Variants in TBC1D32 observed in about 807,000 individuals in gnomAD.
TBC1D32 encodes the protein TBC1 domain family member 32, also known as protein broad-minded.
TBC1D32 carries 151 observed loss-of-function variants against 170.3 expected under a neutral mutation model. That is an observed-to-expected ratio of 0.89 (90% CI 0.78 to 1.01). TBC1D32 has a LOEUF of 1.01. TBC1D32 is among the 50% of genes least tolerant of loss of function. TBC1D32 has a pLI of 0.00. For synonymous variants in TBC1D32, 498 were observed against 488.0 expected, an observed-to-expected ratio of 1.02 and a Z score of -0.27; for missense variants, 1,464 against 1,457.1, an observed-to-expected ratio of 1.00 and a Z score of -0.08.
chr6:121,199,862 T>C (rs1791311534), intron 22 of TBC1D32, among the ~76,000 whole-genome samples: 1 of 151,416 alleles, frequency 6.6e-6, no homozygotes, highest in Admixed American at 6.6e-5. Flanking sequence ...CTATGTTTGT[T>C]ACTTGTTAAA....
chr6:121,281,963 T>C (rs1803067567), intron 13 of TBC1D32, among the ~76,000 whole-genome samples: 2 of 151,762 alleles, frequency 1.3e-5, no homozygotes, highest in African/African-American at 4.8e-5. Flanking sequence ...AATTACTGCT[T>C]AATATTAAAG....
At chr6:121,096,894 A>G (rs555762426) in intron 30 of TBC1D32, among the ~76,000 whole-genome samples, 14 of 152,274 alleles carry the variant, frequency 9.2e-5, no homozygotes, top group African/African-American at 3.4e-4. Context: ...ATAACACCAC[A>G]CATCTACAAC....
At position 121,154,114 on chromosome 6, in the gene TBC1D32, T is replaced by C. The variant is rs78062329; in HGVS notation, c.2773+5896A>G. Reference sequence around the variant, plus strand: ...GCTGCACAGTTTTGTGCTTGAAACCTTGTGGTGTAGGCACCCAAGGGAATC... The same window carrying C: ...GCTGCACAGTTTTGTGCTTGAAACCCTGTGGTGTAGGCACCCAAGGGAATC... On this transcript the variant is annotated intron_variant, in intron 24 of 31. Coordinates refer to ENST00000398212, the MANE Select transcript of TBC1D32 (RefSeq NM_152730.6). 2.2e-3 allele frequency among the ~76,000 whole-genome samples: 326 copies of C among 151,314 alleles called. 7 individuals carry two copies. The East Asian group carries it at 0.053, about 25-fold the overall frequency.
chr6:121,310,643 G>C, intron 4 of TBC1D32, 136 bp downstream of exon 4: 1 of 620,090 alleles, frequency 1.6e-6, no homozygotes, highest in East Asian at 3.2e-5. Context: ...AGTTTACCAG[G>C]GATATCAGTC....
At chr6:121,325,487 G>A (rs1810335821) in intron 1 of TBC1D32, among the ~76,000 whole-genome samples, 3 of 152,246 alleles carry the variant, frequency 2.0e-5, no homozygotes, top group Admixed American at 2.0e-4. Flanking sequence ...AAAACCATCT[G>A]ATCTTTGACA....
chr6:121,190,735 T>A (rs79283304), intron 22 of TBC1D32, among the ~76,000 whole-genome samples: 2,065 of 152,272 alleles, frequency 0.014, 33 homozygotes, highest in African/African-American at 0.039. Context: ...TTTATGTTGC[T>A]GTTAAAATAT....
intron 28 of TBC1D32, 117 bp from the exon 29 acceptor site, chr6:121,112,776 A>G: frequency 1.0e-6 from 1 of 980,786 alleles, no homozygotes; most frequent in Non-Finnish European, 1.4e-6. Context: ...TTCTGAATTT[A>G]TGAAACTTAG....
intron 24 of TBC1D32, among the ~76,000 whole-genome samples, chr6:121,155,690 A>C (rs1164644668): frequency 6.6e-6 from 1 of 152,100 alleles, no homozygotes; most frequent in African/African-American, 2.4e-5. Context: ...CTTTATGCCT[A>C]GCCTATTGAG....
rs1310060559 is a variant in TBC1D32 at position 121,237,738 on chromosome 6, AT to A, written c.2364+1331del. On this transcript the variant is annotated intron_variant, in intron 20 of 31. Transcript: ENST00000398212. Reference sequence around the variant, plus strand: ...TTTTATTTCTCTACTCTGATTTCTAATTTTTTTATTCATTATAAGGATATTT... The same window carrying A: ...TTTTATTTCTCTACTCTGATTTCTAATTTTTTATTCATTATAAGGATATTT... 2.0e-5 allele frequency among the ~76,000 whole-genome samples: 3 copies of A among 151,706 alleles called. No homozygotes were observed. The South Asian group carries it at 6.2e-4, about 32-fold the overall frequency.
chr6:121,201,522 A>T lies in TBC1D32; in HGVS notation c.2570+3553T>A, dbSNP rs1237352485. Among the ~76,000 whole-genome samples the T allele has an allele frequency of 2.0e-5, 3 of 151,400 alleles. 1 individual carries two copies. Among genetic ancestry groups the T allele is most frequent in the African/African-American group, 7.4e-5 (3 of 40,730 alleles). ...TGAAAAATCACACTCAAACCTCTTG[A>T]AATGTTTTACACAATGTTTTCTCTT... On this transcript the variant is annotated intron_variant, in intron 22 of 31. Coordinates refer to ENST00000398212, the MANE Select transcript of TBC1D32 (RefSeq NM_152730.6).
chr6:121,112,799 CT>C, intron 28 of TBC1D32, 140 bp from the exon 29 acceptor site: 1 of 828,562 alleles, frequency 1.2e-6, no homozygotes, highest in Non-Finnish European at 1.7e-6. Context: ...TTTAAATATT[CT>C]TAGACATGTC....
intron 24 of TBC1D32, among the ~76,000 whole-genome samples, chr6:121,143,596 C>T (rs77289399): frequency 0.015 from 2,274 of 152,208 alleles, 41 homozygotes; most frequent in African/African-American, 0.044. Flanking sequence ...TTGTGCAGTG[C>T]AAATGATGAC....
At chr6:121,205,300 A>T in intron 21 of TBC1D32, 137 bp from the exon 22 acceptor site, 1 of 452,668 alleles carries the variant, frequency 2.2e-6, no homozygotes, top group Non-Finnish European at 4.0e-6. Flanking sequence ...GTAAATAATA[A>T]GAAGAAGAAG....
chr6:121,170,397 AT>A, intron 22 of TBC1D32: 1 of 1,594,974 alleles, frequency 6.3e-7, no homozygotes. Flanking sequence ...TTAATCACCC[AT>A]TTTTACCTGT....
At chr6:121,158,455 G>A (rs958427086) in intron 24 of TBC1D32, among the ~76,000 whole-genome samples, 2 of 152,066 alleles carry the variant, frequency 1.3e-5, no homozygotes, top group African/African-American at 4.8e-5. Flanking sequence ...CTTTCTCCTG[G>A]ATCTCAATGA....
chr6:121,258,056 A>C (rs995184080), intron 15 of TBC1D32, among the ~76,000 whole-genome samples: 1 of 47,386 alleles, frequency 2.1e-5, no homozygotes, highest in African/African-American at 5.9e-5. Context: ...TAAGTTCATA[A>C]TTTTATTTCT....
At position 121,132,854 on chromosome 6, in the gene TBC1D32, TAA is replaced by T. The variant is rs377063089; in HGVS notation, c.2774-1104_2774-1103del. 1.8e-3 allele frequency among the ~76,000 whole-genome samples: 271 copies of T among 152,054 alleles called. 3 individuals carry two copies. Among genetic ancestry groups the T allele is most frequent in the African/African-American group, 6.0e-3 (248 of 41,564 alleles). On this transcript the variant is annotated intron_variant, in intron 24 of 31. Coordinates refer to ENST00000398212, the MANE Select transcript of TBC1D32 (RefSeq NM_152730.6). ...ACGAATAATATAGTAAATGAATAGT[TAA>T]GTGTTGTTAAAAAAGATATATGCAT...
chr6:121,101,381 G>T (rs1459685651), intron 30 of TBC1D32, among the ~76,000 whole-genome samples: 2 of 151,796 alleles, frequency 1.3e-5, no homozygotes, highest in African/African-American at 2.4e-5. Context: ...TCAAAAAGTT[G>T]ATCCACCAAG....
chr6:121,154,490 G>A (rs928792496), intron 24 of TBC1D32, among the ~76,000 whole-genome samples: 26 of 152,184 alleles, frequency 1.7e-4, no homozygotes, highest in Admixed American at 3.9e-4. Context: ...ATTTGTTCAA[G>A]GCCCTGTTAG....
Sources: gnomAD v4.1 joint callset for allele counts (sites outside exome capture counted in the v4.1 genomes callset) on GRCh38, gnomAD v4.1.1 for gene constraint, MANE v1.5 for transcripts, NCBI Gene and HGNC (gene_info 2026-07-23, HGNC 2026-07-21) for gene names.